The following HMBOX1 variants were observed in gnomAD, a reference collection of about 807,000 sequenced individuals.
The protein encoded by HMBOX1 is homeobox containing 1.
HMBOX1 carries 14 observed loss-of-function variants against 54.5 expected under a neutral mutation model. The observed-to-expected ratio is 0.26, with a 90% CI of 0.17 to 0.40. HMBOX1 has a LOEUF of 0.40. Among genes scored for constraint, HMBOX1 ranks in the 10% least tolerant of loss-of-function variants. The probability of loss-of-function intolerance (pLI) is 1.00; values close to 1 mark genes in which losing one functional copy is unlikely to be tolerated. For synonymous variants in HMBOX1, 160 were observed against 181.0 expected, an observed-to-expected ratio of 0.88 and a Z score of 0.93; for missense variants, 332 against 514.4, an observed-to-expected ratio of 0.65 and a Z score of 3.43.
intron 4 of HMBOX1, among the ~76,000 whole-genome samples, chr8:28,980,456 C>T (rs1212017521): frequency 1.3e-5 from 2 of 152,164 alleles, no homozygotes; most frequent in African/African-American, 2.4e-5. Context: ...GACACATGCA[C>T]ATCCAACTGC....
At chr8:28,907,893 T>C (rs1814647061) in intron 1 of HMBOX1, among the ~76,000 whole-genome samples, 1 of 151,980 alleles carries the variant, frequency 6.6e-6, no homozygotes, top group South Asian at 2.1e-4. Context: ...CTGTCCAGTC[T>C]GGAGTCCAGT....
Position 29,049,191 on chromosome 8 carries a change from A to G in HMBOX1, c.1125+143A>G, listed in dbSNP as rs936356624. 27 of 1,492,800 alleles carry G rather than the reference A, an allele frequency of 1.8e-5. No homozygotes were observed. In the African/African-American group the frequency reaches 3.3e-4, roughly 18 times the overall value. 92.5% of individuals were successfully genotyped at this position (1,492,800 alleles called of 1,614,324 possible). On this transcript the variant is annotated intron_variant, in intron 9 of 9. Transcript: ENST00000287701. ...CCACTCTGCTCCTGTGTCTAGTTAGATTTCATGTAATTTGAAAGGAATGTG... is the reference window on the plus strand; with the variant it reads ...CCACTCTGCTCCTGTGTCTAGTTAGGTTTCATGTAATTTGAAAGGAATGTG...
Position 28,946,774 on chromosome 8 carries a change from A to G in HMBOX1, c.-57-17037A>G, listed in dbSNP as rs145209208. 5.1e-3 allele frequency among the ~76,000 whole-genome samples: 776 copies of G among 152,326 alleles called. 7 individuals carry two copies. The highest frequency in any genetic ancestry group is 0.018 in the African/African-American group (735 of 41,580). On this transcript the variant is annotated intron_variant, in intron 1 of 9. Transcript: ENST00000287701. ...AAGAGGTCTTGCCACCTGTAGTTAC[A>G]TATAAATCCATAGTACAATGGGTAC...
chr8:29,011,008 G>A (rs888736331), intron 5 of HMBOX1, among the ~76,000 whole-genome samples: 3 of 152,178 alleles, frequency 2.0e-5, no homozygotes, highest in African/African-American at 7.2e-5. Context: ...TCTGAAGTCA[G>A]GATTCATGCT....
In HMBOX1 at chr8:29,026,043, TACACACACACACAC is replaced by T. The variant is rs35597688; in HGVS notation, c.851+7156_851+7169del. 3.3e-3 allele frequency among the ~76,000 whole-genome samples: 472 copies of T among 143,582 alleles called. 3 individuals carry two copies. Among genetic ancestry groups the T allele is most frequent in the African/African-American group, 0.012 (446 of 38,664 alleles). The allele number at this position is 143,582 out of a possible 152,430, so 94.2% of individuals were successfully genotyped here. The stretch of plus-strand genomic sequence containing the variant: ...CACAAACTACCTACTTGCTACCATG[TACACACACACACAC>T]ACACACACACACACACACACACACA... On this transcript the variant is annotated intron_variant, in intron 6 of 9. Coordinates refer to ENST00000287701, the MANE Select transcript of HMBOX1 (RefSeq NM_001135726.3).
intron 1 of HMBOX1, among the ~76,000 whole-genome samples, chr8:28,935,862 ACT>A (rs1820318589): frequency 1.3e-5 from 2 of 151,924 alleles, no homozygotes; most frequent in Admixed American, 1.3e-4. Context: ...TGTAATCTTG[ACT>A]CTGACACTTG....
At chr8:29,049,581 C>T (rs1806132700) in intron 9 of HMBOX1, 4 of 719,684 alleles carry the variant, frequency 5.6e-6, no homozygotes, top group Non-Finnish European at 8.5e-6. Flanking sequence ...CTGACACATG[C>T]ATCCTCTCAT....
chr8:28,966,994 G>C (rs1350924831), intron 2 of HMBOX1, among the ~76,000 whole-genome samples: 1 of 152,214 alleles, frequency 6.6e-6, no homozygotes, highest in Non-Finnish European at 1.5e-5. Flanking sequence ...GGATGTGAGT[G>C]CTGCAGAGCT....
intron 1 of HMBOX1, among the ~76,000 whole-genome samples, chr8:28,919,795 A>G (rs1482543333): frequency 6.6e-6 from 1 of 152,238 alleles, no homozygotes; most frequent in Admixed American, 6.5e-5. Flanking sequence ...TGTAAATCAA[A>G]TTTTGTTACA....
intron 4 of HMBOX1, among the ~76,000 whole-genome samples, chr8:28,994,685 A>G (rs1175551284): frequency 6.6e-6 from 1 of 152,216 alleles, no homozygotes; most frequent in Non-Finnish European, 1.5e-5. Context: ...TCACATTGAC[A>G]GGTATTTGTA....
chr8:28,991,425 G>A (rs1410476222), intron 4 of HMBOX1, among the ~76,000 whole-genome samples: 2 of 152,192 alleles, frequency 1.3e-5, no homozygotes, highest in Admixed American at 1.3e-4. Flanking sequence ...GCTAAGCTAT[G>A]AGATTTTGCC....
chr8:29,043,446 G>A (rs1209900507), intron 6 of HMBOX1, among the ~76,000 whole-genome samples: 1 of 152,186 alleles, frequency 6.6e-6, no homozygotes, highest in African/African-American at 2.4e-5. Flanking sequence ...ACATCCTATG[G>A]CATTTCACCA....
intron 1 of HMBOX1, among the ~76,000 whole-genome samples, chr8:28,954,864 G>A (rs1296795461): frequency 6.6e-6 from 1 of 152,112 alleles, no homozygotes; most frequent in East Asian, 1.9e-4. Context: ...GTCTTTGAAA[G>A]TTTACTTTTT....
At chr8:29,036,731 C>G (rs1803936926) in intron 6 of HMBOX1, among the ~76,000 whole-genome samples, 1 of 152,130 alleles carries the variant, frequency 6.6e-6, no homozygotes, top group South Asian at 2.1e-4. Flanking sequence ...GAAACAATAC[C>G]ATGTCTTAGC....
intron 4 of HMBOX1, among the ~76,000 whole-genome samples, chr8:28,981,921 G>T (rs1409235136): frequency 6.6e-6 from 1 of 152,128 alleles, no homozygotes; most frequent in African/African-American, 2.4e-5. Flanking sequence ...GGCATCACCT[G>T]GGAGCTTGCT....
rs896331499 is a variant in HMBOX1, at chr8:29,023,301, A to G, written c.851+4388A>G. ...TCTTGATTTAAAAAAAACAGCCTTA[A>G]TGAGATACAATTCATCTATTTAAAG... On this transcript the variant is annotated intron_variant, in intron 6 of 9. Coordinates refer to ENST00000287701, the MANE Select transcript of HMBOX1 (RefSeq NM_001135726.3). Among the ~76,000 whole-genome samples the G allele has an allele frequency of 2.6e-5, 4 of 152,220 alleles. No individual in the cohort carries two copies. In the South Asian group the frequency reaches 8.3e-4, roughly 31 times the overall value.
intron 6 of HMBOX1, among the ~76,000 whole-genome samples, chr8:29,029,619 G>A (rs1382840389): frequency 2.0e-5 from 3 of 152,178 alleles, no homozygotes; most frequent in Non-Finnish European, 4.4e-5. Context: ...TTGTTGTTTA[G>A]ATCAAGAACC....
rs770132435 is a variant in HMBOX1 at position 29,018,749 on chromosome 8, G to A, written c.698-11G>A. ...GCAAGATATTTGCTAAAAGTGTCTT[G>A]TTTATTTCAGGCGCTACACTAAGTA... On this transcript the variant is annotated splice_polypyrimidine_tract_variant and intron_variant, in intron 5 of 9. Transcript: ENST00000287701. The A allele has an allele frequency of 1.3e-4, 206 of 1,608,680 alleles. No homozygotes were observed. Among genetic ancestry groups the A allele is most frequent in the Non-Finnish European group, 1.6e-4 (190 of 1,176,648 alleles).
chr8:29,002,282 T>G (rs1224600431), intron 4 of HMBOX1, among the ~76,000 whole-genome samples: 1 of 151,988 alleles, frequency 6.6e-6, no homozygotes, highest in Non-Finnish European at 1.5e-5. Flanking sequence ...CTCCCACAAC[T>G]AGGTATCTGT....
Sources: allele counts gnomAD v4.1 joint callset (sites outside exome capture counted in the v4.1 genomes callset), GRCh38; gene constraint gnomAD v4.1.1; transcripts MANE v1.5; gene names NCBI Gene and HGNC (gene_info 2026-07-23, HGNC 2026-07-21).